TTBK1: variants seen among roughly 807,000 people sequenced by gnomAD.
The protein encoded by TTBK1 is tau tubulin kinase 1, also known as tau-tubulin kinase 1.
A neutral mutation model predicts 108.5 loss-of-function variants in TTBK1; 34 were observed. That is an observed-to-expected ratio of 0.31 (90% CI 0.24 to 0.42). The LOEUF (loss-of-function observed/expected upper bound fraction) is 0.42, where lower values mean the gene tolerates loss of function less well. Ranked by LOEUF, TTBK1 falls within the 10% of genes least tolerant of loss-of-function variation. The probability of loss-of-function intolerance (pLI) is 1.00; values close to 1 mark genes in which losing one functional copy is unlikely to be tolerated. For synonymous variants in TTBK1, 809 were observed against 795.1 expected, an observed-to-expected ratio of 1.02 and a Z score of -0.29; for missense variants, 1,539 against 1,826.0, an observed-to-expected ratio of 0.84 and a Z score of 2.86.
At chr6:43,255,893 C>A (rs759851686) in intron 9 of TTBK1, 37 bp downstream of exon 9, 2 of 1,612,966 alleles carry the variant, frequency 1.2e-6, no homozygotes, top group Non-Finnish European at 1.7e-6. Flanking sequence ...TCCCTCGACA[C>A]CACTCTGTGA....
chr6:43,280,681 C>CCT (rs1778131908), intron 13 of TTBK1, among the ~76,000 whole-genome samples: 4 of 152,112 alleles, frequency 2.6e-5, no homozygotes, highest in African/African-American at 9.7e-5. Flanking sequence ...TATAAATACA[C>CCT]GCATGTAGGA....
chr6:43,243,860 C>G lies in TTBK1; in HGVS notation c.-55+152C>G, dbSNP rs777782241. Among the ~76,000 whole-genome samples, 7 of 152,102 alleles carry G rather than the reference C, an allele frequency of 4.6e-5. No individual in the cohort carries two copies. Among genetic ancestry groups the G allele is most frequent in the Non-Finnish European group, 8.8e-5 (6 of 67,962 alleles). ...GGGCTGGGACGCTGGCCTACACCGC[C>G]TGGGCCGCGCCGAGGCCTGGAGCCG... On this transcript the variant is annotated intron_variant, in intron 1 of 14. Coordinates refer to ENST00000259750, the MANE Select transcript of TTBK1 (RefSeq NM_032538.3). The surrounding 1 kb of genome is among the most constrained non-coding windows in gnomAD (Gnocchi z 5.5).
In TTBK1 at chr6:43,255,031, G is replaced by A. The variant is rs1286786095; in HGVS notation, c.577-18G>A. 1.2e-6 allele frequency: 2 copies of A among 1,613,392 alleles called. No individual in the cohort carries two copies. The highest frequency in any genetic ancestry group is 1.7e-6 in the Non-Finnish European group (2 of 1,179,550). ...GAGGGCATGGTGGGTGACGTTCTTG[G>A]TGGTCTCCCTTCTGCAGCCTCGGAA... On this transcript the variant is annotated intron_variant, in intron 6 of 14. Coordinates refer to ENST00000259750, the MANE Select transcript of TTBK1 (RefSeq NM_032538.3).
intron 10 of TTBK1, 117 bp downstream of exon 10, chr6:43,258,083 T>C: frequency 5.8e-6 from 7 of 1,212,738 alleles, no homozygotes; most frequent in Non-Finnish European, 7.8e-6. Flanking sequence ...TTTCCTATCC[T>C]TAGTGGAGTT....
rs775780637 is a variant in TTBK1, at chr6:43,257,887, G to T, written c.937G>T (p.Ala313Ser). The T allele has an allele frequency of 1.4e-5, 22 of 1,613,868 alleles. No homozygotes were observed. The highest frequency in any genetic ancestry group is 1.8e-5 in the Non-Finnish European group (21 of 1,179,994). ...AENEAFDWEK[A>S]GTDALLSTST... is the part of the protein sequence containing the mutation. Reference sequence around the variant, plus strand: ...GAATGAGGCCTTTGACTGGGAGAAGGCAGGCACCGATGCCCTCCTGTCCAC... The same window carrying T: ...GAATGAGGCCTTTGACTGGGAGAAGTCAGGCACCGATGCCCTCCTGTCCAC... Residue 313 changes from alanine (A) to serine (S), a missense_variant, in exon 10 of 15, where the codon GCA becomes TCA. Coordinates refer to ENST00000259750, the MANE Select transcript of TTBK1 (RefSeq NM_032538.3). This position sits in a 1 kb window ranked among gnomAD's most constrained non-coding sequence, Gnocchi z 4.5.
At position 43,253,142 on chromosome 6, in the gene TTBK1, G is replaced by A; in HGVS notation, c.257-149G>A. 1.1e-6 allele frequency: 1 copy of A among 943,608 alleles called. No individual in the cohort carries two copies. Among genetic ancestry groups the A allele is most frequent in the Non-Finnish European group, 1.7e-6 (1 of 600,980 alleles). The allele number at this position is 943,608 out of a possible 1,614,324, so 58.5% of individuals were successfully genotyped here. On this transcript the variant is annotated intron_variant, in intron 3 of 14. Coordinates refer to ENST00000259750, the MANE Select transcript of TTBK1 (RefSeq NM_032538.3). This position sits in a 1 kb window ranked among gnomAD's most constrained non-coding sequence, Gnocchi z 5.8. ...CGAGCTGGAGTCTAGGAGACATGAT[G>A]AGGCTAGGGCCAGGGAGGTGGCAAG...
rs1741023204 is a variant in TTBK1 at position 43,253,367 on chromosome 6, G to A, written c.330+3G>A. 6.2e-7 allele frequency: 1 copy of A among 1,613,934 alleles called. No individual in the cohort carries two copies. On this transcript the variant is annotated splice_donor_region_variant and intron_variant, in intron 4 of 14. Transcript: ENST00000259750. This position sits in a 1 kb window ranked among gnomAD's most constrained non-coding sequence, Gnocchi z 5.8. ...ACTATGTAGTGATGCAGCTCCAGGTGAGTCCCCGTGGCCCATCCTCGCTCC... is the reference window on the plus strand; with the variant it reads ...ACTATGTAGTGATGCAGCTCCAGGTAAGTCCCCGTGGCCCATCCTCGCTCC...
At position 43,257,860 on chromosome 6, in the gene TTBK1, G is replaced by A. The variant is rs1777419935; in HGVS notation, c.910G>A (p.Glu304Lys). The A allele has an allele frequency of 3.1e-6, 5 of 1,613,960 alleles. No individual in the cohort carries two copies. Among genetic ancestry groups the A allele is most frequent in the South Asian group, 1.1e-5 (1 of 91,058 alleles). ...CAGCATGAAGGAGAGGGGCATTGCC[G>A]AGAATGAGGCCTTTGACTGGGAGAA... is the stretch of plus-strand genomic sequence containing the variant. ...ENSMKERGIA[E>K]NEAFDWEKAG... The change falls in exon 10 of 15, where the codon GAG becomes AAG. Residue 304 changes from glutamate to lysine, a missense_variant. Around this residue, in one of 5 missense-constraint regions of TTBK1, gnomAD observed 277 missense variants for 332.4 expected, o/e 0.83. Transcript: ENST00000259750. This position sits in a 1 kb window ranked among gnomAD's most constrained non-coding sequence, Gnocchi z 4.5.
At chr6:43,247,368 C>G (rs1379277735) in intron 2 of TTBK1, among the ~76,000 whole-genome samples, 1 of 152,118 alleles carries the variant, frequency 6.6e-6, no homozygotes, top group Non-Finnish European at 1.5e-5. Context: ...TCTCAGCCTC[C>G]TCGGGAGCCG....
chr6:43,274,138 G>A (rs1020262561), intron 13 of TTBK1, among the ~76,000 whole-genome samples: 7 of 152,132 alleles, frequency 4.6e-5, no homozygotes, highest in Non-Finnish European at 1.0e-4. Flanking sequence ...GTAAATTTTC[G>A]ATAACTCAAT....
intron 13 of TTBK1, chr6:43,271,764 T>C (rs1380645873): frequency 1.1e-6 from 1 of 933,942 alleles, no homozygotes; most frequent in East Asian, 1.2e-4. Flanking sequence ...TGTAAGTCTA[T>C]TTATTTATTT....
chr6:43,284,333 C>T, intron 14 of TTBK1, 21 bp downstream of exon 14: 1 of 1,514,020 alleles, frequency 6.6e-7, no homozygotes, highest in Non-Finnish European at 8.8e-7. Context: ...GCTGCCAGCC[C>T]CAGGGTGGGC....
chr6:43,282,864 G>T lies in TTBK1; in HGVS notation c.2124G>T (p.Val708=). 1 of 1,614,040 alleles carries T rather than the reference G, an allele frequency of 6.2e-7. No homozygotes were observed. The highest frequency in any genetic ancestry group is 8.5e-7 in the Non-Finnish European group (1 of 1,179,998). The change falls in exon 14 of 15, where the codon GTG becomes GTT. Residue 708 remains valine, a synonymous_variant. Coordinates refer to ENST00000259750, the MANE Select transcript of TTBK1 (RefSeq NM_032538.3). The surrounding 1 kb of genome is among the most constrained non-coding windows in gnomAD (Gnocchi z 5.4). ...RARLLNRVRR[V]GFSHMLLTTP... ...GGTTGCTCAACAGGGTCCGGAGGGT[G>T]GGCTTCTCGCACATGCTGCTCACCA...
chr6:43,276,713 C>T lies in TTBK1; in HGVS notation c.1987-6014C>T, dbSNP rs1778009827. Among the ~76,000 whole-genome samples the T allele has an allele frequency of 6.6e-6, 1 of 152,268 alleles. No individual in the cohort carries two copies. Among genetic ancestry groups the T allele is most frequent in the Non-Finnish European group, 1.5e-5 (1 of 68,048 alleles). On this transcript the variant is annotated intron_variant, in intron 13 of 14. Transcript: ENST00000259750. This position sits in a 1 kb window ranked among gnomAD's most constrained non-coding sequence, Gnocchi z 5.4. ...CACCCTCCCCCTTCCTTTCCCAGCT[C>T]TCAGTGTAGACCCTGGCTCTGAGGT...
chr6:43,280,587 G>C lies in TTBK1; in HGVS notation c.1987-2140G>C, dbSNP rs570877035. Among the ~76,000 whole-genome samples, 10 of 152,270 alleles carry C rather than the reference G, an allele frequency of 6.6e-5. 1 individual carries two copies. In the South Asian group the frequency reaches 2.1e-3, roughly 32 times the overall value. Reference sequence around the variant, plus strand: ...TTCTTAGACTATAACATGGTGACCAGGACAAGAGACATTCAAAGACCACTT... The same window carrying C: ...TTCTTAGACTATAACATGGTGACCACGACAAGAGACATTCAAAGACCACTT... On this transcript the variant is annotated intron_variant, in intron 13 of 14. Coordinates refer to ENST00000259750, the MANE Select transcript of TTBK1 (RefSeq NM_032538.3).
chr6:43,252,188 G>GTC (rs1777261207), intron 2 of TTBK1, among the ~76,000 whole-genome samples: 1 of 73,970 alleles, frequency 1.4e-5, no homozygotes, highest in Non-Finnish European at 2.9e-5. Context: ...GGCTCTGTGT[G>GTC]TGTGTGTGTG....
chr6:43,262,996 C>G lies in TTBK1; in HGVS notation c.1632C>G (p.Val544=), dbSNP rs774261615. The stretch of plus-strand genomic sequence containing the variant: ...AGGATTTCGACAGCAAAGAGTGGGT[C>G]ATCATCGACAAGGAGACGGAGCTCA... ...EEEDFDSKEW[V]IIDKETELKD... Residue 544 remains valine, a synonymous_variant, in exon 13 of 15, where the codon GTC becomes GTG. Transcript: ENST00000259750. 6.2e-7 allele frequency: 1 copy of G among 1,611,748 alleles called. No individual in the cohort carries two copies. The highest frequency in any genetic ancestry group is 8.5e-7 in the Non-Finnish European group (1 of 1,179,008).
At chr6:43,264,237 G>A (rs1432820950) in intron 13 of TTBK1, among the ~76,000 whole-genome samples, 1 of 152,044 alleles carries the variant, frequency 6.6e-6, no homozygotes, top group Non-Finnish European at 1.5e-5. Context: ...CAAAAAATTA[G>A]CCGGGTGTGG....
At chr6:43,279,379 G>A (rs907965157) in intron 13 of TTBK1, among the ~76,000 whole-genome samples, 21 of 152,202 alleles carry the variant, frequency 1.4e-4, no homozygotes, top group Non-Finnish European at 2.9e-4. Context: ...TGAGGAGAAT[G>A]GGTGGCCTGG....
Sources: allele counts gnomAD v4.1 joint callset (sites outside exome capture counted in the v4.1 genomes callset), GRCh38; gene constraint gnomAD v4.1.1; regional missense constraint gnomAD v4.1.1; non-coding constraint Gnocchi (gnomAD v3.1); transcripts MANE v1.5; gene names NCBI Gene and HGNC (gene_info 2026-07-23, HGNC 2026-07-21).